KAZN: variants seen among roughly 807,000 people sequenced by gnomAD.
The protein encoded by KAZN is kazrin, periplakin interacting protein, also known as kazrin.
A neutral mutation model predicts 87.4 loss-of-function variants in KAZN; 40 were observed. The ratio of observed to expected loss-of-function variants is 0.46; its 90% CI spans 0.36 to 0.60. KAZN has a LOEUF of 0.60. KAZN is among the 20% of genes least tolerant of loss of function. KAZN has a pLI of 0.00. For missense variants in KAZN, 898 were observed against 1,073.9 expected (o/e 0.84, Z 2.29); for synonymous variants, 466 against 458.3 (o/e 1.02, Z -0.22).
chr1:13,994,353 T>C (rs534095595), intron 1 of KAZN, among the ~76,000 whole-genome samples: 2 of 152,366 alleles, frequency 1.3e-5, no homozygotes, highest in Non-Finnish European at 2.9e-5. Context: ...ATTGTTCACA[T>C]TCATCAAAAG....
chr1:14,475,636 C>A (rs900292865), intron 2 of KAZN, among the ~76,000 whole-genome samples: 1 of 152,188 alleles, frequency 6.6e-6, no homozygotes, highest in Admixed American at 6.5e-5. Flanking sequence ...GTGTTATAAA[C>A]TATTCAGTAT....
At chr1:13,922,901 C>T (rs1297201729) in intron 1 of KAZN, among the ~76,000 whole-genome samples, 2 of 152,274 alleles carry the variant, frequency 1.3e-5, no homozygotes, top group Middle Eastern at 3.4e-3. Flanking sequence ...TTAGAACATT[C>T]GTCAGCACAT....
intron 2 of KAZN, among the ~76,000 whole-genome samples, chr1:14,226,192 A>C (rs1647279739): frequency 6.6e-6 from 1 of 152,238 alleles, no homozygotes; most frequent in Non-Finnish European, 1.5e-5. Context: ...TCTATAAGGA[A>C]CTTAAGCAAA....
chr1:14,649,921 C>T lies in KAZN; in HGVS notation c.226+50698C>T, dbSNP rs546984233. Among the ~76,000 whole-genome samples, 31 of 151,920 alleles carry T rather than the reference C, an allele frequency of 2.0e-4. No individual in the cohort carries two copies. The South Asian group carries it at 6.4e-3, about 32-fold the overall frequency. ...GGGAAGAAAGTAAAGGTTAGGGAGA[C>T]ACCATTTATAGAAAAGCCAGGTACA... is the stretch of plus-strand genomic sequence containing the variant. On this transcript the variant is annotated intron_variant, in intron 1 of 14. Coordinates refer to ENST00000376030, the MANE Select transcript of KAZN (RefSeq NM_201628.3).
intron 1 of KAZN, chr1:14,929,916 T>C: frequency 1.0e-6 from 1 of 985,426 alleles, no homozygotes; most frequent in Non-Finnish European, 1.2e-6. Context: ...TTGGATGCCT[T>C]CAAGAGAGGC....
intron 1 of KAZN, among the ~76,000 whole-genome samples, chr1:14,921,204 G>A (rs1206956776): frequency 7.1e-6 from 1 of 141,482 alleles, no homozygotes; most frequent in East Asian, 2.1e-4. Context: ...ACAGAGCCAC[G>A]GCCAAACTGC....
At chr1:14,345,503 C>CGT (rs1445681505) in intron 2 of KAZN, among the ~76,000 whole-genome samples, 3 of 152,144 alleles carry the variant, frequency 2.0e-5, no homozygotes, top group African/African-American at 7.2e-5. Context: ...AAAATATAAT[C>CGT]GTATCAACTC....
At chr1:14,428,130 A>C (rs2101360840) in intron 2 of KAZN, among the ~76,000 whole-genome samples, 1 of 152,348 alleles carries the variant, frequency 6.6e-6, no homozygotes, top group Admixed American at 6.5e-5. Context: ...TCTTAATTAA[A>C]GACTGTCAGG....
chr1:14,059,922 C>T (rs1444309631), intron 1 of KAZN, among the ~76,000 whole-genome samples: 5 of 152,166 alleles, frequency 3.3e-5, no homozygotes, highest in Admixed American at 3.3e-4. Flanking sequence ...GATTTATTTG[C>T]AAAAGCCAGA....
intron 2 of KAZN, among the ~76,000 whole-genome samples, chr1:14,273,783 A>G (rs547090393): frequency 1.3e-5 from 2 of 151,968 alleles, no homozygotes; most frequent in East Asian, 3.9e-4. Flanking sequence ...AATGGCCAAG[A>G]CTGTCTTTCT....
At chr1:14,459,149 T>G (rs1203878041) in intron 2 of KAZN, among the ~76,000 whole-genome samples, 1 of 152,154 alleles carries the variant, frequency 6.6e-6, no homozygotes, top group Non-Finnish European at 1.5e-5. Flanking sequence ...AGGCTTCCTG[T>G]GCTCACTAGG....
In KAZN at chr1:14,947,949, C is replaced by G. The variant is rs116132455; in HGVS notation, c.227-12735C>G. Reference sequence around the variant, plus strand: ...GCAGAACTTGAAAGGTTTGTGACATCCAGTGTTTCAGTCCAGAAGGACTGG... The same window carrying G: ...GCAGAACTTGAAAGGTTTGTGACATGCAGTGTTTCAGTCCAGAAGGACTGG... On this transcript the variant is annotated intron_variant, in intron 1 of 14. Coordinates refer to ENST00000376030, the MANE Select transcript of KAZN (RefSeq NM_201628.3). Among the ~76,000 whole-genome samples the G allele has an allele frequency of 3.4e-3, 518 of 152,306 alleles. 3 individuals carry two copies. Among genetic ancestry groups the G allele is most frequent in the Middle Eastern group, 0.017 (5 of 294 alleles).
At chr1:14,938,669 G>A (rs1660728420) in intron 1 of KAZN, among the ~76,000 whole-genome samples, 1 of 152,176 alleles carries the variant, frequency 6.6e-6, no homozygotes, top group Non-Finnish European at 1.5e-5. Context: ...GACTTCCTGG[G>A]GAGAAATTTT....
intron 1 of KAZN, among the ~76,000 whole-genome samples, chr1:14,608,655 T>C (rs1199391604): frequency 6.6e-6 from 1 of 152,180 alleles, no homozygotes; most frequent in East Asian, 1.9e-4. Context: ...TGGATGATAC[T>C]GGGTTTAGAT....
At position 15,114,523 on chromosome 1, in the gene KAZN, A is replaced by G; in HGVS notation, c.2216A>G (p.His739Arg). ...TTCAGCAGCAAAGATCCCGATTTCC[A>G]TGATGACTATGGCTCTCTTCAAAAC... ...RGFSSKDPDF[H>R]DDYGSLQNED... Residue 739 changes from histidine (H) to arginine (R), a missense_variant, in exon 15 of 15, where the codon CAT becomes CGT. Physicochemically the swap from His to Arg is conservative, Grantham distance 29. Coordinates refer to ENST00000376030, the MANE Select transcript of KAZN (RefSeq NM_201628.3). The G allele has an allele frequency of 6.2e-7, 1 of 1,612,050 alleles. No homozygotes were observed. The highest frequency in any genetic ancestry group is 1.1e-5 in the South Asian group (1 of 90,344).
At chr1:14,948,851 C>T (rs1160730874) in intron 1 of KAZN, among the ~76,000 whole-genome samples, 2 of 152,054 alleles carry the variant, frequency 1.3e-5, no homozygotes, top group Non-Finnish European at 2.9e-5. Flanking sequence ...GCTTCTAATC[C>T]CTCAGTGGAA....
At chr1:14,731,426 C>T (rs984292495) in intron 1 of KAZN, among the ~76,000 whole-genome samples, 3 of 152,304 alleles carry the variant, frequency 2.0e-5, no homozygotes, top group African/African-American at 4.8e-5. Flanking sequence ...GACTTATCCC[C>T]GGTTCTAGAA....
chr1:14,791,948 C>T (rs370991018), intron 1 of KAZN, among the ~76,000 whole-genome samples: 38 of 152,300 alleles, frequency 2.5e-4, no homozygotes, highest in Non-Finnish European at 4.7e-4. Context: ...CCACATTAGC[C>T]GGGGTGACCT....
intron 2 of KAZN, among the ~76,000 whole-genome samples, chr1:14,241,186 G>T (rs1374183733): frequency 6.6e-6 from 1 of 152,142 alleles, no homozygotes; most frequent in African/African-American, 2.4e-5. Flanking sequence ...AGCCTCTTTT[G>T]TCTCCCTCAT....
Sources: allele counts gnomAD v4.1 joint callset (sites outside exome capture counted in the v4.1 genomes callset), GRCh38; gene constraint gnomAD v4.1.1; transcripts MANE v1.5; gene names NCBI Gene and HGNC (gene_info 2026-07-23, HGNC 2026-07-21).